NCAPH: variants seen among roughly 807,000 people sequenced by gnomAD.
NCAPH encodes non-SMC condensin I complex subunit H, also known as condensin complex subunit 2.
In NCAPH, 38 loss-of-function variants were observed where a neutral mutation model predicts 85.5. The ratio of observed to expected loss-of-function variants is 0.44; its 90% CI spans 0.34 to 0.58. NCAPH has a LOEUF of 0.58. Among genes scored for constraint, NCAPH ranks in the 20% least tolerant of loss-of-function variants. NCAPH has a pLI of 0.01. For missense variants in NCAPH, 789 were observed against 916.6 expected, an observed-to-expected ratio of 0.86 and a Z score of 1.80; for synonymous variants, 301 against 335.1, an observed-to-expected ratio of 0.90 and a Z score of 1.11.
At chr2:96,346,514 T>A (rs1205140497) in intron 6 of NCAPH, among the ~76,000 whole-genome samples, 1 of 152,082 alleles carries the variant, frequency 6.6e-6, no homozygotes. Context: ...TGGACACAGC[T>A]GGAAAGGGAC....
Position 96,360,063 on chromosome 2 carries a change from G to C in NCAPH, c.1358-80G>C, listed in dbSNP as rs1004613281. 1.1e-5 allele frequency: 9 copies of C among 819,542 alleles called. No homozygotes were observed. In the African/African-American group the frequency reaches 1.4e-4, roughly 13 times the overall value. The allele number at this position is 819,542 out of a possible 1,614,324, so 50.8% of individuals were successfully genotyped here. On this transcript the variant is annotated intron_variant, in intron 10 of 17. Coordinates refer to ENST00000240423, the MANE Select transcript of NCAPH (RefSeq NM_015341.5). ...TTGTGGTTTTGATAAGCCTTGATAA[G>C]GCTGTCAGCAGATCTTGTGAAATGA...
At chr2:96,370,201 C>T (rs1258124889) in intron 17 of NCAPH, among the ~76,000 whole-genome samples, 1 of 152,224 alleles carries the variant, frequency 6.6e-6, no homozygotes, top group East Asian at 1.9e-4. Context: ...AGCTGATGCA[C>T]AGCCCAGCCT....
rs969458853 is a variant in NCAPH, at chr2:96,343,191, G to A, written c.482G>A (p.Ser161Asn). Residue 161 changes from serine to asparagine, a missense_variant, in exon 5 of 18, where the codon AGC becomes AAC. Coordinates refer to ENST00000240423, the MANE Select transcript of NCAPH (RefSeq NM_015341.5). ...FKVAAGTLDASTKIYAVRVDA... is the reference protein window; with the variant it reads ...FKVAAGTLDANTKIYAVRVDA... ...GTGGCTGCGGGTACTCTGGATGCCA[G>A]CACCAAGATCTATGCTGTGCGCGTG... 1 of 1,614,018 alleles carries A rather than the reference G, an allele frequency of 6.2e-7. No individual in the cohort carries two copies. Among genetic ancestry groups the A allele is most frequent in the Non-Finnish European group, 8.5e-7 (1 of 1,179,946 alleles).
At chr2:96,358,953 C>G in intron 9 of NCAPH, 92 bp from the exon 10 acceptor site, 1 of 1,300,102 alleles carries the variant, frequency 7.7e-7, no homozygotes, top group East Asian at 2.4e-5. Flanking sequence ...ATTGGACTCA[C>G]AGAAATGCAG....
In NCAPH at chr2:96,343,257, T is replaced by A; in HGVS notation, c.548T>A (p.Leu183Gln). Reference sequence around the variant, plus strand: ...GATGTATACAGAGTCCTTGGGGGGCTGGGCAAAGATGCACCGTCTTTGGAA... The same window carrying A: ...GATGTATACAGAGTCCTTGGGGGGCAGGGCAAAGATGCACCGTCTTTGGAA... The part of the protein sequence containing the change: ...HADVYRVLGG[L>Q]GKDAPSLEEV... Residue 183 changes from leucine to glutamine, a missense_variant, in exon 5 of 18, where the codon CTG becomes CAG. Transcript: ENST00000240423. 2 of 1,613,732 alleles carry A rather than the reference T, an allele frequency of 1.2e-6. No homozygotes were observed. Among genetic ancestry groups the A allele is most frequent in the Non-Finnish European group, 1.7e-6 (2 of 1,179,750 alleles).
intron 6 of NCAPH, among the ~76,000 whole-genome samples, chr2:96,349,246 T>G (rs1273902834): frequency 6.6e-6 from 1 of 152,186 alleles, no homozygotes; most frequent in Non-Finnish European, 1.5e-5. Context: ...TGCCAAATAC[T>G]CCAATCCTGG....
chr2:96,367,815 T>C (rs2064720721), intron 15 of NCAPH, among the ~76,000 whole-genome samples: 1 of 152,170 alleles, frequency 6.6e-6, no homozygotes, highest in Non-Finnish European at 1.5e-5. Context: ...AATGAAACAA[T>C]CTTGATGCTA....
At chr2:96,344,806 A>G (rs970462785) in intron 6 of NCAPH, among the ~76,000 whole-genome samples, 6 of 152,226 alleles carry the variant, frequency 3.9e-5, no homozygotes, top group Admixed American at 1.3e-4. Flanking sequence ...ATTTAAAGCA[A>G]ACAGGTGTTA....
chr2:96,362,975 C>T (rs911252592), intron 12 of NCAPH, among the ~76,000 whole-genome samples: 1 of 152,212 alleles, frequency 6.6e-6, no homozygotes, highest in Non-Finnish European at 1.5e-5. Context: ...TATCAAACAG[C>T]ATTGTATGCT....
rs555780725 is a variant in NCAPH, at chr2:96,358,685, G to A, written c.1209-360G>A. Among the ~76,000 whole-genome samples, 38 of 152,238 alleles carry A rather than the reference G, an allele frequency of 2.5e-4. 2 individuals are homozygous for A. In the South Asian group the frequency reaches 3.5e-3, roughly 14 times the overall value. Reference sequence around the variant, plus strand: ...GCGTTTCACTGTGTTAGCCAGGGTGGTCTCGATCTCCTGACCTTGTGATCC... The same window carrying A: ...GCGTTTCACTGTGTTAGCCAGGGTGATCTCGATCTCCTGACCTTGTGATCC... On this transcript the variant is annotated intron_variant, in intron 9 of 17. Coordinates refer to ENST00000240423, the MANE Select transcript of NCAPH (RefSeq NM_015341.5).
chr2:96,376,796 TG>T lies in NCAPH; in HGVS notation c.*3446del, dbSNP rs1421915094. On this transcript the variant is annotated 3_prime_UTR_variant, in exon 18 of 18. Transcript: ENST00000240423. ...TTCTCAGTTTTGGTTCATTTAAAAA[TG>T]TTTTTTGGGGGAATTGGGGATCATT... Among the ~76,000 whole-genome samples, 1 of 152,044 alleles carries T rather than the reference TG, an allele frequency of 6.6e-6. No individual in the cohort carries two copies. Among genetic ancestry groups the T allele is most frequent in the Non-Finnish European group, 1.5e-5 (1 of 68,008 alleles).
At chr2:96,361,490 T>C (rs1474859738) in intron 12 of NCAPH, among the ~76,000 whole-genome samples, 1 of 152,008 alleles carries the variant, frequency 6.6e-6, no homozygotes, top group African/African-American at 2.4e-5. Flanking sequence ...CCTAGGGCTC[T>C]ACAGGCTGCT....
chr2:96,366,876 C>CAAAAAAAAAAAAAAAAAAAAAAAAAAAA (rs928006104), intron 14 of NCAPH, among the ~76,000 whole-genome samples: 1 of 37,570 alleles, frequency 2.7e-5, no homozygotes. Context: ...GACTCCGTCT[C>CAAAAAAAAAAAAAAAAAAAAAAAAAAAA]AAAAAAAAAA....
chr2:96,355,716 A>G (rs927191353), intron 9 of NCAPH, among the ~76,000 whole-genome samples: 3 of 148,698 alleles, frequency 2.0e-5, no homozygotes, highest in East Asian at 2.0e-4. Flanking sequence ...ATCTCTGCTC[A>G]CTGCAAGCTC....
chr2:96,343,648 T>C (rs183523103), intron 5 of NCAPH, among the ~76,000 whole-genome samples: 2 of 152,216 alleles, frequency 1.3e-5, no homozygotes, highest in Admixed American at 1.3e-4. Context: ...GCAGATTAAA[T>C]ATGCCTGATG....
intron 10 of NCAPH, 100 bp downstream of exon 10, chr2:96,359,293 G>GC: frequency 6.9e-7 from 1 of 1,446,322 alleles, no homozygotes. Context: ...CAGCCCTGTT[G>GC]TGTCTCTTAA....
chr2:96,360,590 T>C lies in NCAPH; in HGVS notation c.1467T>C (p.Ala489=). The part of the protein sequence containing the change: ...DFDVYFRKTK[A]ATILTKSTLE... The stretch of plus-strand genomic sequence containing the variant: ...ACTTTTTTTAAAAAAATTAATAGGC[T>C]GCTACTATTCTGACCAAGTCCACTT... Residue 489 remains alanine, a splice_region_variant and synonymous_variant, in exon 12 of 18, where the codon GCT becomes GCC. Coordinates refer to ENST00000240423, the MANE Select transcript of NCAPH (RefSeq NM_015341.5). 1 of 1,613,464 alleles carries C rather than the reference T, an allele frequency of 6.2e-7. No homozygotes were observed. The highest frequency in any genetic ancestry group is 8.5e-7 in the Non-Finnish European group (1 of 1,179,810).
At chr2:96,354,600 C>T (rs1043516476) in intron 9 of NCAPH, among the ~76,000 whole-genome samples, 2 of 152,096 alleles carry the variant, frequency 1.3e-5, no homozygotes, top group Non-Finnish European at 2.9e-5. Context: ...GCCAGGATTT[C>T]AGGTGTGAGC....
chr2:96,360,395 C>CT (rs2064589264), intron 11 of NCAPH, 146 bp downstream of exon 11: 1 of 837,890 alleles, frequency 1.2e-6, no homozygotes, highest in Admixed American at 2.9e-5. Context: ...AGAAATAGTC[C>CT]TAAACTCAGT....
Sources: gnomAD v4.1 joint callset for allele counts (sites outside exome capture counted in the v4.1 genomes callset) on GRCh38, gnomAD v4.1.1 for gene constraint, MANE v1.5 for transcripts, NCBI Gene and HGNC (gene_info 2026-07-23, HGNC 2026-07-21) for gene names.